Variants in ARHGEF9 observed in about 807,000 individuals in gnomAD.
ARHGEF9 encodes the protein rho guanine nucleotide exchange factor 9.
Under a neutral mutation model 41.3 loss-of-function variants are expected in ARHGEF9, and 2 were observed. The observed-to-expected ratio is 0.05, with a 90% CI of 0.02 to 0.15. The LOEUF (loss-of-function observed/expected upper bound fraction) is 0.15, where lower values mean the gene tolerates loss of function less well. ARHGEF9 is among the 10% of genes least tolerant of loss of function. ARHGEF9 has a pLI of 1.00. For missense variants in ARHGEF9, 225 were observed against 424.7 expected (o/e 0.53, Z 4.13); for synonymous variants, 160 against 154.4 (o/e 1.04, Z -0.27).
chrX:63,677,214 C>A (rs782461586), intron 5 of ARHGEF9, among the ~76,000 whole-genome samples: 31 of 112,129 alleles, frequency 2.8e-4, no homozygotes, highest in African/African-American at 9.7e-4. Context: ...GGGAGAACAA[C>A]AGAACAAAGA....
chrX:63,739,372 T>G (rs1267672990), intron 1 of ARHGEF9, among the ~76,000 whole-genome samples: 1 of 111,676 alleles, frequency 9.0e-6, no homozygotes, highest in Non-Finnish European at 1.9e-5. Context: ...GAAGGGACAA[T>G]CAGCGTGTCT....
chrX:63,675,483 T>A (rs1384907580), intron 5 of ARHGEF9, among the ~76,000 whole-genome samples: 1 of 112,062 alleles, frequency 8.9e-6, no homozygotes, highest in Non-Finnish European at 1.9e-5. Flanking sequence ...AGTATGGCCT[T>A]TGGCAAGCCT....
chrX:63,649,219 C>T (rs2048362404), intron 8 of ARHGEF9, among the ~76,000 whole-genome samples: 1 of 111,558 alleles, frequency 9.0e-6, no homozygotes. Flanking sequence ...TGTAAAAGAA[C>T]AGAAATTATA....
chrX:63,764,966 A>C (rs1556451082), intron 1 of ARHGEF9, among the ~76,000 whole-genome samples: 1 of 111,764 alleles, frequency 8.9e-6, no homozygotes, highest in East Asian at 2.8e-4. Context: ...TGGAATTTAA[A>C]AGTTGAAGAA....
At chrX:63,679,801 C>T (rs1471456465) in intron 4 of ARHGEF9, among the ~76,000 whole-genome samples, 1 of 111,774 alleles carries the variant, frequency 8.9e-6, no homozygotes, top group Non-Finnish European at 1.9e-5. Flanking sequence ...CCTGTTCTCA[C>T]CATTTCTAGT....
At chrX:63,697,912 T>G (rs2051872490) in intron 3 of ARHGEF9, among the ~76,000 whole-genome samples, 1 of 110,941 alleles carries the variant, frequency 9.0e-6, no homozygotes, top group Non-Finnish European at 1.9e-5. Context: ...CATTCATGTC[T>G]TCACATACTT....
At chrX:63,767,886 T>C (rs1412283261) in intron 1 of ARHGEF9, among the ~76,000 whole-genome samples, 2 of 112,297 alleles carry the variant, frequency 1.8e-5, no homozygotes, top group Non-Finnish European at 3.8e-5. Context: ...GATAGTTGCA[T>C]GGAGAAGATA....
chrX:63,678,672 T>A, intron 4 of ARHGEF9, 100 bp from the exon 5 acceptor site: 1 of 551,088 alleles, frequency 1.8e-6, no homozygotes, highest in Non-Finnish European at 3.0e-6. Flanking sequence ...GCAGAAATAT[T>A]AAAATGATAA....
intron 1 of ARHGEF9, among the ~76,000 whole-genome samples, chrX:63,734,903 A>G (rs1401812154): frequency 9.0e-6 from 1 of 111,257 alleles, no homozygotes; most frequent in African/African-American, 3.3e-5. Context: ...TGGTTAGTAA[A>G]AATAATAATA....
intron 1 of ARHGEF9, among the ~76,000 whole-genome samples, chrX:63,768,343 G>A (rs1462302159): frequency 2.7e-5 from 3 of 111,738 alleles, no homozygotes; most frequent in Non-Finnish European, 3.8e-5. Context: ...AGTATTCCAC[G>A]GTGTTTATAT....
At chrX:63,711,316 G>A (rs1234766418) in intron 2 of ARHGEF9, among the ~76,000 whole-genome samples, 2 of 111,457 alleles carry the variant, frequency 1.8e-5, no homozygotes, top group South Asian at 3.7e-4. Context: ...ACTAAAACTC[G>A]TATGGAATTT....
chrX:63,726,928 C>T (rs2054003894), intron 1 of ARHGEF9, among the ~76,000 whole-genome samples: 1 of 111,764 alleles, frequency 8.9e-6, no homozygotes, highest in East Asian at 2.8e-4. Context: ...GTTGAACTTG[C>T]TTTCTTCCAA....
At chrX:63,692,847 G>A (rs2051447104) in intron 4 of ARHGEF9, among the ~76,000 whole-genome samples, 1 of 112,297 alleles carries the variant, frequency 8.9e-6, no homozygotes, top group Admixed American at 9.4e-5. Flanking sequence ...AGAACATGTT[G>A]CTATATATAC....
At chrX:63,665,765 C>T (rs1287530524) in intron 7 of ARHGEF9, 121 bp downstream of exon 7, 1 of 920,665 alleles carries the variant, frequency 1.1e-6, no homozygotes, top group South Asian at 2.3e-5. Flanking sequence ...TGCCAATCTC[C>T]TGTCTGTTTT....
chrX:63,768,004 G>C (rs2147810164), intron 1 of ARHGEF9, among the ~76,000 whole-genome samples: 1 of 112,228 alleles, frequency 8.9e-6, no homozygotes, highest in East Asian at 2.8e-4. Flanking sequence ...TATTTCAGTA[G>C]CTTTTGGAGA....
At chrX:63,694,207 A>T (rs1296588856) in intron 4 of ARHGEF9, among the ~76,000 whole-genome samples, 1 of 111,128 alleles carries the variant, frequency 9.0e-6, no homozygotes, top group African/African-American at 3.3e-5. Context: ...AATACTGATA[A>T]TATCAAGTGT....
intron 1 of ARHGEF9, chrX:63,727,134 G>A (rs2054018253): frequency 9.0e-6 from 1 of 111,725 alleles, no homozygotes; most frequent in Admixed American, 9.5e-5. Flanking sequence ...GTAGTTTAAA[G>A]CTATATCCAT....
At chrX:63,750,238 C>T (rs1556439238) in intron 1 of ARHGEF9, among the ~76,000 whole-genome samples, 2 of 111,763 alleles carry the variant, frequency 1.8e-5, no homozygotes, top group Non-Finnish European at 3.8e-5. Flanking sequence ...TGCTTTGTTA[C>T]CATCCTTCAA....
intron 1 of ARHGEF9, among the ~76,000 whole-genome samples, chrX:63,734,541 C>G (rs1389051450): frequency 8.9e-6 from 1 of 112,060 alleles, no homozygotes; most frequent in East Asian, 2.8e-4. Context: ...CTTAATCTTT[C>G]TGGGACCAGA....
Sources: allele counts gnomAD v4.1 joint callset (sites outside exome capture counted in the v4.1 genomes callset), GRCh38; gene constraint gnomAD v4.1.1; transcripts MANE v1.5; gene names NCBI Gene and HGNC (gene_info 2026-07-23, HGNC 2026-07-21).